The following LRRC4C variants were observed in gnomAD, a reference collection of about 807,000 sequenced individuals.
LRRC4C encodes the protein leucine-rich repeat-containing protein 4C.
In LRRC4C, 5 loss-of-function variants were observed where a neutral mutation model predicts 33.6. The ratio of observed to expected loss-of-function variants is 0.15; its 90% CI spans 0.08 to 0.31. LRRC4C has a LOEUF of 0.31. LRRC4C is among the 10% of genes least tolerant of loss of function. LRRC4C has a pLI of 1.00. For synonymous variants in LRRC4C, 329 were observed against 302.0 expected (o/e 1.09, Z -0.93); for missense variants, 560 against 796.7 (o/e 0.70, Z 3.58).
chr11:40,819,737 T>G (rs1951849100), intron 2 of LRRC4C, among the ~76,000 whole-genome samples: 1 of 151,920 alleles, frequency 6.6e-6, no homozygotes, highest in Non-Finnish European at 1.5e-5. Context: ...TGGCTGAAAT[T>G]TGAATGTGAT....
chr11:41,095,763 C>A (rs763534829), intron 1 of LRRC4C, among the ~76,000 whole-genome samples: 4 of 152,166 alleles, frequency 2.6e-5, no homozygotes, highest in African/African-American at 4.8e-5. Flanking sequence ...GTTTTCACTG[C>A]AGGTGAAGAC....
intron 1 of LRRC4C, among the ~76,000 whole-genome samples, chr11:40,985,166 T>G (rs1165365656): frequency 6.6e-6 from 1 of 152,042 alleles, no homozygotes; most frequent in African/African-American, 2.4e-5. Flanking sequence ...GGGCTTAGTT[T>G]AGCATGAAAA....
chr11:40,192,043 A>T (rs1209933327), intron 5 of LRRC4C, among the ~76,000 whole-genome samples: 4 of 152,216 alleles, frequency 2.6e-5, no homozygotes, highest in African/African-American at 9.6e-5. Context: ...TGATAACATT[A>T]TATAGGCACT....
chr11:41,088,626 G>C (rs944061254), intron 1 of LRRC4C, among the ~76,000 whole-genome samples: 1 of 152,074 alleles, frequency 6.6e-6, no homozygotes, highest in African/African-American at 2.4e-5. Flanking sequence ...CTCTCAAAGT[G>C]ATAAGTTGAG....
rs556464100 is a variant in LRRC4C at position 40,933,265 on chromosome 11, C to T, written c.-407+370G>A. Among the ~76,000 whole-genome samples the T allele has an allele frequency of 4.6e-5, 7 of 152,312 alleles. No individual in the cohort carries two copies. The East Asian group carries it at 1.2e-3, about 25-fold the overall frequency. On this transcript the variant is annotated intron_variant, in intron 2 of 6. Transcript: ENST00000528697. ...GCAGTTACAAGAGACAAACTGACTC[C>T]TGGCAAAACTGTAATTTGTGTGCCT...
At position 40,115,162 on chromosome 11, in the gene LRRC4C, G is replaced by A. The variant is rs756201143; in HGVS notation, c.1131C>T (p.Ala377=). 27 of 1,614,208 alleles carry A rather than the reference G, an allele frequency of 1.7e-5. No individual in the cohort carries two copies. The Admixed American group carries it at 4.3e-4, about 26-fold the overall frequency. ...AAGATACAGATGTCAGGGATGTGGA[G>A]GCCCGACATTTCAGCTCAGCTGCCA... ...EGMAAELKCR[A]STSLTSVSWI... is the part of the protein sequence containing the mutation. Residue 377 remains alanine, a synonymous_variant, in exon 7 of 7, where the codon GCC becomes GCT. Transcript: ENST00000528697. This position sits in a 1 kb window ranked among gnomAD's most constrained non-coding sequence, Gnocchi z 6.7.
chr11:41,423,691 A>G (rs998532526), intron 1 of LRRC4C, among the ~76,000 whole-genome samples: 1 of 152,126 alleles, frequency 6.6e-6, no homozygotes, highest in African/African-American at 2.4e-5. Flanking sequence ...AGAACAGTCC[A>G]TACAGGACAT....
At chr11:41,036,490 C>T (rs1857074216) in intron 1 of LRRC4C, among the ~76,000 whole-genome samples, 1 of 152,116 alleles carries the variant, frequency 6.6e-6, no homozygotes, top group Non-Finnish European at 1.5e-5. Flanking sequence ...ACTATTTATG[C>T]TGATGCAAGA....
At chr11:40,763,550 G>A (rs190322479) in intron 2 of LRRC4C, among the ~76,000 whole-genome samples, 18 of 152,156 alleles carry the variant, frequency 1.2e-4, no homozygotes, top group Admixed American at 7.2e-4. Flanking sequence ...AAGGAAAAAG[G>A]CACTGAAAAG....
At chr11:40,767,533 C>T (rs1233439213) in intron 2 of LRRC4C, among the ~76,000 whole-genome samples, 1 of 152,052 alleles carries the variant, frequency 6.6e-6, no homozygotes, top group Admixed American at 6.6e-5. Context: ...TACTTTTCAT[C>T]ATCACATAGA....
At chr11:41,208,020 G>C (rs76924712) in intron 1 of LRRC4C, among the ~76,000 whole-genome samples, 2,873 of 152,172 alleles carry the variant, frequency 0.019, 92 homozygotes, top group African/African-American at 0.066. Flanking sequence ...TTTGGTGAGT[G>C]CTCAGCATGA....
intron 3 of LRRC4C, among the ~76,000 whole-genome samples, chr11:40,377,863 C>T (rs1434784562): frequency 6.6e-6 from 1 of 152,078 alleles, no homozygotes; most frequent in Admixed American, 6.6e-5. Context: ...GGGAGTGCTA[C>T]TGGCATACAG....
chr11:41,185,268 A>G (rs557575453), intron 1 of LRRC4C, among the ~76,000 whole-genome samples: 112 of 152,336 alleles, frequency 7.4e-4, no homozygotes, highest in Non-Finnish European at 1.2e-3. Flanking sequence ...AAAAGGGATA[A>G]AATATACATT....
chr11:40,733,214 A>T (rs558130165), intron 2 of LRRC4C, among the ~76,000 whole-genome samples: 1 of 151,218 alleles, frequency 6.6e-6, no homozygotes, highest in East Asian at 2.0e-4. Context: ...TAGCTGGGAC[A>T]ACAGGCGCCT....
chr11:40,972,135 A>AAT (rs1851767616), intron 1 of LRRC4C, among the ~76,000 whole-genome samples: 1 of 138,712 alleles, frequency 7.2e-6, no homozygotes, highest in African/African-American at 2.7e-5. Flanking sequence ...GGGAAGCCAT[A>AAT]ATTTTTTTTT....
chr11:41,221,893 T>C (rs558965044), intron 1 of LRRC4C, among the ~76,000 whole-genome samples: 6 of 152,172 alleles, frequency 3.9e-5, no homozygotes, highest in Non-Finnish European at 8.8e-5. Context: ...AGCCTGAATT[T>C]GTACTTATTT....
At chr11:41,452,104 T>C (rs1324405524) in intron 1 of LRRC4C, among the ~76,000 whole-genome samples, 1 of 152,152 alleles carries the variant, frequency 6.6e-6, no homozygotes, top group Non-Finnish European at 1.5e-5. Flanking sequence ...TTATATGGAT[T>C]ATTTTCTTTA....
intron 5 of LRRC4C, among the ~76,000 whole-genome samples, chr11:40,187,620 C>T (rs934588529): frequency 1.4e-4 from 22 of 152,024 alleles, no homozygotes; most frequent in Non-Finnish European, 7.4e-5. Context: ...CTGTGGTATA[C>T]ACGCAAGGGC....
chr11:41,217,814 A>G (rs962506736), intron 1 of LRRC4C, among the ~76,000 whole-genome samples: 2 of 148,050 alleles, frequency 1.4e-5, no homozygotes, highest in Non-Finnish European at 2.9e-5. Context: ...TGATGTAGCA[A>G]TATTGCACTT....
Sources: gnomAD v4.1 joint callset for allele counts (sites outside exome capture counted in the v4.1 genomes callset) on GRCh38, gnomAD v4.1.1 for gene constraint, Gnocchi (gnomAD v3.1) non-coding constraint, MANE v1.5 for transcripts, NCBI Gene and HGNC (gene_info 2026-07-23, HGNC 2026-07-21) for gene names.